The following GSAP variants were observed in gnomAD, a reference collection of about 807,000 sequenced individuals.
The protein encoded by GSAP is gamma-secretase activating protein.
In GSAP, 118 loss-of-function variants were observed where a neutral mutation model predicts 131.7. The observed-to-expected ratio is 0.90, with a 90% CI of 0.77 to 1.04. The LOEUF (loss-of-function observed/expected upper bound fraction) is 1.04. Ranked by LOEUF, GSAP falls within the 50% of genes least tolerant of loss-of-function variation. GSAP has a pLI of 0.00. For missense variants in GSAP, 1,019 were observed against 1,013.2 expected (o/e 1.01, Z -0.08); for synonymous variants, 381 against 363.4 (o/e 1.05, Z -0.55).
chr7:77,405,225 A>G (rs1227172574), intron 2 of GSAP, among the ~76,000 whole-genome samples: 1 of 152,256 alleles, frequency 6.6e-6, no homozygotes, highest in African/African-American at 2.4e-5. Context: ...ACTTGAGCCC[A>G]TGAGTTTGAG....
At chr7:77,387,323 A>G in intron 6 of GSAP, 37 bp downstream of exon 6, 1 of 1,032,370 alleles carries the variant, frequency 9.7e-7, no homozygotes, top group South Asian at 1.3e-5. Flanking sequence ...ATGCCTTTTG[A>G]TTAATGAGAT....
chr7:77,315,293 G>C (rs1388892998), intron 26 of GSAP: 1 of 152,258 alleles, frequency 6.6e-6, no homozygotes, highest in Non-Finnish European at 1.5e-5. Context: ...GAATCCAGCT[G>C]TATTACTCAC....
Position 77,365,604 on chromosome 7 carries a change from G to A in GSAP, c.872-2944C>T, listed in dbSNP as rs757171103. ...CTGCACAGTATTCCACGGTATGTAT[G>A]TACCACATTTTCTTTATCCAATCTG... On this transcript the variant is annotated intron_variant, in intron 12 of 30. Coordinates refer to ENST00000257626, the MANE Select transcript of GSAP (RefSeq NM_017439.4). Among the ~76,000 whole-genome samples, 3 of 152,132 alleles carry A rather than the reference G, an allele frequency of 2.0e-5. No homozygotes were observed. In the East Asian group the frequency reaches 5.8e-4, roughly 29 times the overall value.
chr7:77,349,702 T>A (rs187966649), intron 18 of GSAP, among the ~76,000 whole-genome samples: 1 of 152,320 alleles, frequency 6.6e-6, no homozygotes, highest in African/African-American at 2.4e-5. Context: ...ACATTTCTAT[T>A]AAAGAACGAA....
chr7:77,413,856 G>GT (rs1297211221), intron 1 of GSAP, among the ~76,000 whole-genome samples: 18 of 37,906 alleles, frequency 4.7e-4, no homozygotes, highest in Admixed American at 1.8e-3. Context: ...TTACTTCGGT[G>GT]GTTTTTTTCT....
chr7:77,318,811 A>C (rs1157961174), intron 26 of GSAP, among the ~76,000 whole-genome samples: 2 of 152,102 alleles, frequency 1.3e-5, no homozygotes, highest in Middle Eastern at 3.4e-3. Flanking sequence ...TGATTCCTTG[A>C]ATATGACATC....
rs1348598751 is a variant in GSAP, at chr7:77,330,246, G to C, written c.1667C>G (p.Ser556Cys). 4 of 1,612,116 alleles carry C rather than the reference G, an allele frequency of 2.5e-6. No individual in the cohort carries two copies. Among genetic ancestry groups the C allele is most frequent in the Non-Finnish European group, 2.5e-6 (3 of 1,179,046 alleles). The change falls in exon 20 of 31, where the codon TCT (serine) becomes TGT (cysteine). Residue 556 changes from serine (S) to cysteine (C), a missense_variant. Coordinates refer to ENST00000257626, the MANE Select transcript of GSAP (RefSeq NM_017439.4). ...TCACTGACCCACTCATACCTCTTCA[G>C]AGATCAGGTTGTGCCACTCTCTCCT... ...VVRREWHNLI[S>C]EEKTGKRRSA...
At position 77,351,712 on chromosome 7, in the gene GSAP, C is replaced by T. The variant is rs1005981476; in HGVS notation, c.1491+1232G>A. The T allele has an allele frequency of 1.6e-5, 16 of 985,710 alleles. No homozygotes were observed. The Admixed American group carries it at 2.5e-4, about 15-fold the overall frequency. The allele number at this position is 985,710 out of a possible 1,614,324, so 61.1% of individuals were successfully genotyped here. A position where few individuals can be genotyped will look rare whatever the true frequency, so the allele number is the denominator to read the frequency against. On this transcript the variant is annotated intron_variant, in intron 18 of 30. Coordinates refer to ENST00000257626, the MANE Select transcript of GSAP (RefSeq NM_017439.4). ...AATCTTGAGAAGTGCAAAAGGGAAGCGTTACCCTCAGGGTGATATTCTCAC... is the reference window on the plus strand; with the variant it reads ...AATCTTGAGAAGTGCAAAAGGGAAGTGTTACCCTCAGGGTGATATTCTCAC...
In GSAP at chr7:77,411,955, G is replaced by A. The variant is rs149317154; in HGVS notation, c.109+4258C>T. ...GCACTTTGGGAGGCCGAGGTAGGCC[G>A]ATCACCTGAGGTCAAGAGTTCAATA... On this transcript the variant is annotated intron_variant, in intron 1 of 30. Coordinates refer to ENST00000257626, the MANE Select transcript of GSAP (RefSeq NM_017439.4). Among the ~76,000 whole-genome samples, 1,126 of 152,266 alleles carry A rather than the reference G, an allele frequency of 7.4e-3. 17 individuals are homozygous for A. The highest frequency in any genetic ancestry group is 0.025 in the African/African-American group (1,055 of 41,560).
intron 14 of GSAP, 65 bp from the exon 15 acceptor site, chr7:77,355,712 A>G (rs993421916): frequency 1.9e-5 from 17 of 908,946 alleles, no homozygotes; most frequent in Non-Finnish European, 3.1e-5. Context: ...AGAATGTCAC[A>G]TTATCCCTGC....
intron 19 of GSAP, among the ~76,000 whole-genome samples, chr7:77,339,002 G>A (rs1310882035): frequency 6.6e-6 from 1 of 152,138 alleles, no homozygotes; most frequent in Admixed American, 6.5e-5. Flanking sequence ...TTTGGTCAGA[G>A]TAAATAGGGG....
At chr7:77,359,561 A>G (rs1794251861) in intron 14 of GSAP, among the ~76,000 whole-genome samples, 1 of 152,212 alleles carries the variant, frequency 6.6e-6, no homozygotes, top group Non-Finnish European at 1.5e-5. Flanking sequence ...ACTCAAAACA[A>G]TATTGTTGTC....
intron 5 of GSAP, among the ~76,000 whole-genome samples, chr7:77,391,952 T>C (rs984209923): frequency 2.0e-5 from 3 of 151,716 alleles, no homozygotes; most frequent in Non-Finnish European, 4.4e-5. Flanking sequence ...TGGCCGGGAG[T>C]GGTGGCTCAC....
At chr7:77,324,671 T>C (rs1788084172) in intron 23 of GSAP, among the ~76,000 whole-genome samples, 1 of 152,182 alleles carries the variant, frequency 6.6e-6, no homozygotes, top group African/African-American at 2.4e-5. Context: ...TAATACATAG[T>C]GCATACTTCT....
chr7:77,374,441 C>T (rs895156910), intron 11 of GSAP, among the ~76,000 whole-genome samples: 10 of 152,022 alleles, frequency 6.6e-5, no homozygotes, highest in Admixed American at 6.6e-4. Context: ...GTAAGCACAG[C>T]TAAATGTTCA....
chr7:77,351,348 T>TA, intron 18 of GSAP: 1 of 953,738 alleles, frequency 1.0e-6, no homozygotes, highest in Non-Finnish European at 1.2e-6. Context: ...TCTATTATCT[T>TA]AAAAAATCCA....
At chr7:77,352,886 C>A in intron 18 of GSAP, 58 bp downstream of exon 18, 1 of 990,400 alleles carries the variant, frequency 1.0e-6, no homozygotes, top group Admixed American at 1.8e-5. Flanking sequence ...TGTCCAACAA[C>A]TGACCCACAA....
At chr7:77,371,458 A>C (rs1796114533) in intron 12 of GSAP, among the ~76,000 whole-genome samples, 1 of 143,776 alleles carries the variant, frequency 7.0e-6, no homozygotes, top group Non-Finnish European at 1.5e-5. Context: ...TTTTTAAGAC[A>C]GAGTCTTGCT....
At chr7:77,358,446 A>G (rs1794073188) in intron 14 of GSAP, among the ~76,000 whole-genome samples, 1 of 152,254 alleles carries the variant, frequency 6.6e-6, no homozygotes, top group Admixed American at 6.5e-5. Flanking sequence ...TTATATGGAG[A>G]AGAAAAGGTA....
Sources: gnomAD v4.1 joint callset for allele counts (sites outside exome capture counted in the v4.1 genomes callset) on GRCh38, gnomAD v4.1.1 for gene constraint, MANE v1.5 for transcripts, NCBI Gene and HGNC (gene_info 2026-07-23, HGNC 2026-07-21) for gene names.